The following PITPNC1 variants were observed in gnomAD, a reference collection of about 807,000 sequenced individuals.
PITPNC1 encodes the protein cytoplasmic phosphatidylinositol transfer protein 1.
PITPNC1 carries 18 observed loss-of-function variants against 44.7 expected under a neutral mutation model. The ratio of observed to expected loss-of-function variants is 0.40; its 90% CI spans 0.28 to 0.60. The LOEUF is 0.60. Ranked by LOEUF, PITPNC1 falls within the 20% of genes least tolerant of loss-of-function variation. PITPNC1 has a pLI of 0.39. For synonymous variants in PITPNC1, 141 were observed against 149.6 expected (o/e 0.94, Z 0.42); for missense variants, 290 against 418.4 (o/e 0.69, Z 2.68).
chr17:67,455,586 G>T (rs1166489641), intron 1 of PITPNC1, among the ~76,000 whole-genome samples: 1 of 147,526 alleles, frequency 6.8e-6, no homozygotes, highest in Non-Finnish European at 1.5e-5. Flanking sequence ...TGCCCAGCTA[G>T]TTTTTTTTGT....
At chr17:67,631,674 A>AAT (rs1324160956) in intron 5 of PITPNC1, among the ~76,000 whole-genome samples, 1 of 94,630 alleles carries the variant, frequency 1.1e-5, no homozygotes, top group Non-Finnish European at 2.3e-5. Flanking sequence ...ATATATATAA[A>AAT]ATATATATTT....
At chr17:67,661,537 T>G (rs2042347395) in intron 6 of PITPNC1, among the ~76,000 whole-genome samples, 1 of 152,082 alleles carries the variant, frequency 6.6e-6, no homozygotes. Flanking sequence ...GGAACCCTGA[T>G]CTTCAGTGTA....
intron 1 of PITPNC1, among the ~76,000 whole-genome samples, chr17:67,464,019 C>T (rs1223623754): frequency 2.0e-5 from 3 of 152,026 alleles, no homozygotes; most frequent in Non-Finnish European, 4.4e-5. Flanking sequence ...CACAGTGAAA[C>T]CTCATCTGTA....
At position 67,696,565 on chromosome 17, in the gene PITPNC1, T is replaced by C. The variant is rs1019631467; in HGVS notation, c.*3677T>C. Reference sequence around the variant, plus strand: ...AGGAGACAATCTGTCATCTGAGCCATAGTTCTTGAGATTTAAAAAGTCTGT... The same window carrying C: ...AGGAGACAATCTGTCATCTGAGCCACAGTTCTTGAGATTTAAAAAGTCTGT... On this transcript the variant is annotated 3_prime_UTR_variant, in exon 9 of 9. Coordinates refer to ENST00000581322, the MANE Select transcript of PITPNC1 (RefSeq NM_012417.4). 6.6e-6 allele frequency: 1 copy of C among 152,248 alleles called. No homozygotes were observed. Among genetic ancestry groups the C allele is most frequent in the Non-Finnish European group, 1.5e-5 (1 of 68,042 alleles). 9.4% of individuals were successfully genotyped at this position (152,248 alleles called of 1,614,324 possible).
chr17:67,398,526 T>C (rs979833187), intron 1 of PITPNC1, among the ~76,000 whole-genome samples: 3 of 152,006 alleles, frequency 2.0e-5, no homozygotes, highest in Admixed American at 2.0e-4. Context: ...TGGAGAAGAA[T>C]TGGGCCCTTC....
Position 67,380,683 on chromosome 17 carries a change from C to G in PITPNC1, c.48+2481C>G, listed in dbSNP as rs568797876. 8.4e-4 allele frequency among the ~76,000 whole-genome samples: 128 copies of G among 152,328 alleles called. 1 individual carries two copies. The highest frequency in any genetic ancestry group is 3.1e-3 in the Admixed American group (48 of 15,296). On this transcript the variant is annotated intron_variant, in intron 1 of 8. Coordinates refer to ENST00000581322, the MANE Select transcript of PITPNC1 (RefSeq NM_012417.4). ...GTAAATTCCACAGTCTCCACCATCC[C>G]CTTTTCCACTGACCCTTTTTCCACA...
At chr17:67,515,293 G>T (rs564392705) in intron 1 of PITPNC1, among the ~76,000 whole-genome samples, 1 of 152,294 alleles carries the variant, frequency 6.6e-6, no homozygotes, top group Non-Finnish European at 1.5e-5. Flanking sequence ...GGGGAGGAAG[G>T]CATGCCCAAT....
chr17:67,671,147 A>G (rs1444557850), intron 7 of PITPNC1, among the ~76,000 whole-genome samples: 2 of 152,060 alleles, frequency 1.3e-5, no homozygotes, highest in Non-Finnish European at 2.9e-5. Context: ...CGGCCTCCCA[A>G]AGTGCTGGGA....
At chr17:67,598,019 C>G (rs755697343) in intron 5 of PITPNC1, among the ~76,000 whole-genome samples, 12 of 152,118 alleles carry the variant, frequency 7.9e-5, no homozygotes, top group Admixed American at 2.0e-4. Context: ...GTCAGGAGAT[C>G]AAGACCATCC....
chr17:67,552,673 G>C (rs1244340288), intron 3 of PITPNC1, among the ~76,000 whole-genome samples: 2 of 152,048 alleles, frequency 1.3e-5, no homozygotes, highest in Non-Finnish European at 2.9e-5. Flanking sequence ...GTGAGGTCAG[G>C]AGTTCGAGAC....
intron 5 of PITPNC1, among the ~76,000 whole-genome samples, chr17:67,607,089 G>A (rs1359245432): frequency 6.6e-6 from 1 of 152,244 alleles, no homozygotes; most frequent in East Asian, 1.9e-4. Context: ...CTTGGAGTTA[G>A]AGGAAAGACC....
intron 1 of PITPNC1, among the ~76,000 whole-genome samples, chr17:67,499,339 T>A (rs1417728672): frequency 6.6e-6 from 1 of 151,956 alleles, no homozygotes; most frequent in African/African-American, 2.4e-5. Flanking sequence ...CTTAGCCTCC[T>A]GAGTAGGTGG....
intron 6 of PITPNC1, among the ~76,000 whole-genome samples, chr17:67,647,070 AG>A (rs1198749639): frequency 2.6e-5 from 4 of 152,270 alleles, no homozygotes; most frequent in Non-Finnish European, 4.4e-5. Flanking sequence ...CCCGAGTCTC[AG>A]TGACTAAATG....
At chr17:67,580,440 G>A (rs1032658450) in intron 5 of PITPNC1, among the ~76,000 whole-genome samples, 2 of 152,054 alleles carry the variant, frequency 1.3e-5, no homozygotes, top group Admixed American at 1.3e-4. Context: ...CCACCTCCTG[G>A]GCTCAAGCAA....
chr17:67,554,038 C>G (rs908049023), intron 4 of PITPNC1, among the ~76,000 whole-genome samples: 1 of 152,134 alleles, frequency 6.6e-6, no homozygotes, highest in Non-Finnish European at 1.5e-5. Context: ...TGAAGAGGCA[C>G]ATGTGCAAAC....
chr17:67,628,111 C>T (rs558532979), intron 5 of PITPNC1, among the ~76,000 whole-genome samples: 8 of 152,082 alleles, frequency 5.3e-5, no homozygotes, highest in African/African-American at 1.9e-4. Context: ...CCATGTGGAC[C>T]AAGCTGGTCT....
intron 5 of PITPNC1, among the ~76,000 whole-genome samples, chr17:67,605,190 C>T (rs1226162318): frequency 1.3e-5 from 2 of 152,188 alleles, no homozygotes; most frequent in African/African-American, 4.8e-5. Flanking sequence ...ATTCCTAGAG[C>T]CCTATGTCTG....
chr17:67,526,824 C>T (rs1046670956), intron 1 of PITPNC1, among the ~76,000 whole-genome samples: 1 of 152,088 alleles, frequency 6.6e-6, no homozygotes, highest in Non-Finnish European at 1.5e-5. Flanking sequence ...TTCTTCAGTA[C>T]ATTATGCAAC....
intron 1 of PITPNC1, among the ~76,000 whole-genome samples, chr17:67,438,865 T>C (rs2038973879): frequency 6.6e-6 from 1 of 152,210 alleles, no homozygotes; most frequent in Non-Finnish European, 1.5e-5. Context: ...GCCATGCGCA[T>C]TTAATTTGAT....
Sources: allele counts gnomAD v4.1 joint callset (sites outside exome capture counted in the v4.1 genomes callset), GRCh38; gene constraint gnomAD v4.1.1; transcripts MANE v1.5; gene names NCBI Gene and HGNC (gene_info 2026-07-23, HGNC 2026-07-21).